DSC3: variants seen among roughly 807,000 people sequenced by gnomAD.
DSC3 encodes desmocollin 3, also known as desmocollin-3.
In DSC3, 97 loss-of-function variants were observed where a neutral mutation model predicts 89.5. The ratio of observed to expected loss-of-function variants is 1.08; its 90% CI spans 0.92 to 1.28. The LOEUF (loss-of-function observed/expected upper bound fraction) is 1.28. DSC3 is among the 50% of genes most tolerant of loss of function. The pLI, the probability that DSC3 is intolerant of heterozygous loss-of-function variation, is 0.00. For missense variants in DSC3, 1,199 were observed against 1,085.3 expected, an observed-to-expected ratio of 1.10 and a Z score of -1.47; for synonymous variants, 436 against 384.1, an observed-to-expected ratio of 1.14 and a Z score of -1.58.
chr18:30,995,719 C>T (rs1255096068), intron 15 of DSC3, among the ~76,000 whole-genome samples: 1 of 151,952 alleles, frequency 6.6e-6, no homozygotes, highest in Admixed American at 6.6e-5. Flanking sequence ...TGCGTATAAT[C>T]CCGGCACTTT....
rs1209794611 is a variant in DSC3 at position 31,008,133 on chromosome 18, CT to C, written c.1545del (p.Gly516ValfsTer13). The C allele has an allele frequency of 1.2e-6, 2 of 1,611,864 alleles. No homozygotes were observed. Among genetic ancestry groups the C allele is most frequent in the African/African-American group, 2.7e-5 (2 of 74,720 alleles). On this transcript the variant is annotated frameshift_variant, in exon 11 of 16. Transcript: ENST00000360428. LOFTEE classifies it high-confidence loss of function. ...GLRYKKLHDP[K>X]GWITIDEISG... ...GAAATTTCATCAATGGTGATCCAAC[CT>C]TTAGGATCATGCAATTTTTTGTACC...
intron 4 of DSC3, among the ~76,000 whole-genome samples, chr18:31,028,237 G>C (rs1036714534): frequency 6.6e-6 from 1 of 152,094 alleles, no homozygotes. Context: ...GATGGATGAG[G>C]AAGATCCAGC....
At chr18:31,021,682 A>G (rs371612540) in intron 7 of DSC3, among the ~76,000 whole-genome samples, 1 of 152,314 alleles carries the variant, frequency 6.6e-6, no homozygotes, top group East Asian at 1.9e-4. Context: ...ACAAAATAGA[A>G]CAATAAAAAC....
In DSC3 at chr18:31,022,500, T is replaced by C. The variant is rs747256861; in HGVS notation, c.778A>G (p.Thr260Ala). 1.2e-6 allele frequency: 2 copies of C among 1,613,992 alleles called. No homozygotes were observed. Among genetic ancestry groups the C allele is most frequent in the Non-Finnish European group, 1.7e-6 (2 of 1,179,922 alleles). ...FEVLESSRPG[T>A]TVGVVCATDR... Reference sequence around the variant, plus strand: ...GTGGCACAAACCACCCCCACTGTAGTACCTACACATTAAAAAATAAAACAG... The same window carrying C: ...GTGGCACAAACCACCCCCACTGTAGCACCTACACATTAAAAAATAAAACAG... Residue 260 changes from threonine (T) to alanine (A), a missense_variant and splice_region_variant, in exon 7 of 16, where the codon ACT becomes GCT. By Grantham distance (58) the Thr-to-Ala change is moderately conservative. Coordinates refer to ENST00000360428, the MANE Select transcript of DSC3 (RefSeq NM_001941.5).
At chr18:31,038,702 G>T (rs888887978) in intron 1 of DSC3, among the ~76,000 whole-genome samples, 1 of 151,898 alleles carries the variant, frequency 6.6e-6, no homozygotes, top group African/African-American at 2.4e-5. Flanking sequence ...AAATACCAAA[G>T]ATTACATATA....
chr18:31,020,100 C>T (rs1231904475), intron 7 of DSC3, among the ~76,000 whole-genome samples: 5 of 151,978 alleles, frequency 3.3e-5, no homozygotes, highest in Non-Finnish European at 5.9e-5. Flanking sequence ...ATCTTATGTG[C>T]CTGAAGGAAA....
At chr18:31,005,270 C>T (rs916272710) in intron 12 of DSC3, among the ~76,000 whole-genome samples, 1 of 152,178 alleles carries the variant, frequency 6.6e-6, no homozygotes, top group African/African-American at 2.4e-5. Flanking sequence ...TGAAATCTCT[C>T]CGCTCCCTCA....
chr18:31,002,906 C>T (rs1220630215), intron 13 of DSC3, among the ~76,000 whole-genome samples: 2 of 152,080 alleles, frequency 1.3e-5, no homozygotes, highest in Non-Finnish European at 2.9e-5. Flanking sequence ...ACTATCTAAT[C>T]CTTTACAGAA....
At position 31,008,369 on chromosome 18, in the gene DSC3, C is replaced by T. The variant is rs1984937632; in HGVS notation, c.1420G>A (p.Ala474Thr). Residue 474 changes from alanine (A) to threonine (T), a missense_variant, in exon 10 of 16, where the codon GCA becomes ACA. Transcript: ENST00000360428. ...TCTTTAATCCGCACATATTGGGCTGCAGGAGTGCATTCAGGCCCCTCATCC... is the reference window on the plus strand; with the variant it reads ...TCTTTAATCCGCACATATTGGGCTGTAGGAGTGCATTCAGGCCCCTCATCC... ...DLDEGPECTP[A>T]AQYVRIKENL... is the part of the protein sequence containing the mutation. 1.2e-6 allele frequency: 2 copies of T among 1,613,980 alleles called. No individual in the cohort carries two copies. The highest frequency in any genetic ancestry group is 2.7e-5 in the African/African-American group (2 of 74,890).
At chr18:31,016,046 C>A (rs1328475340) in intron 9 of DSC3, among the ~76,000 whole-genome samples, 1 of 152,132 alleles carries the variant, frequency 6.6e-6, no homozygotes, top group Non-Finnish European at 1.5e-5. Context: ...CCCACCAGCG[C>A]CATGATGGTT....
chr18:31,034,524 T>C (rs1229947910), intron 1 of DSC3, among the ~76,000 whole-genome samples: 1 of 152,176 alleles, frequency 6.6e-6, no homozygotes, highest in Admixed American at 6.5e-5. Flanking sequence ...AAGTCCACTC[T>C]TCCTAAAAGA....
At chr18:31,018,344 C>G (rs1985304875) in intron 8 of DSC3, 88 bp from the exon 9 acceptor site, 3 of 982,774 alleles carry the variant, frequency 3.1e-6, no homozygotes, top group Non-Finnish European at 1.5e-6. Flanking sequence ...AAATACTTAC[C>G]ATTATAATTT....
At chr18:31,004,984 T>C (rs923888949) in intron 12 of DSC3, among the ~76,000 whole-genome samples, 2 of 152,180 alleles carry the variant, frequency 1.3e-5, no homozygotes, top group African/African-American at 2.4e-5. Context: ...TTAATGACCA[T>C]ATTGTCAACT....
intron 9 of DSC3, among the ~76,000 whole-genome samples, chr18:31,011,521 G>A (rs1367855777): frequency 6.6e-6 from 1 of 152,172 alleles, no homozygotes; most frequent in Admixed American, 6.5e-5. Flanking sequence ...AAGAACCAGG[G>A]CATTGGAAGA....
intron 15 of DSC3, among the ~76,000 whole-genome samples, chr18:30,995,992 A>AG (rs1389203617): frequency 3.4e-5 from 4 of 117,626 alleles, no homozygotes; most frequent in African/African-American, 1.2e-4. Flanking sequence ...AAAAAAAAAA[A>AG]AAAAAAAGAA....
Position 30,990,153 on chromosome 18 carries a change from T to C in DSC3, c.*4022A>G, listed in dbSNP as rs1598590340. 6.6e-6 allele frequency: 1 copy of C among 152,182 alleles called. No homozygotes were observed. Among genetic ancestry groups the C allele is most frequent in the African/African-American group, 2.4e-5 (1 of 41,440 alleles). 9.4% of individuals were successfully genotyped at this position (152,182 alleles called of 1,614,324 possible). A position where few individuals can be genotyped will look rare whatever the true frequency, so the allele number is the denominator to read the frequency against. ...TATGTGCAGGCAGTGTTCTATGTAC[T>C]TTAGGTATAGTAACTCATTTAATCA... On this transcript the variant is annotated 3_prime_UTR_variant, in exon 16 of 16. Coordinates refer to ENST00000360428, the MANE Select transcript of DSC3 (RefSeq NM_001941.5).
rs1005928847 is a variant in DSC3, at chr18:31,042,532, C to T, written c.69+60G>A. On this transcript the variant is annotated intron_variant, in intron 1 of 15. Transcript: ENST00000360428. ...CCGCTTTGTCCCCAGCTCCGTGCAG[C>T]GTCCAGGGCGGATCCACCCCCGTCC... 2.7e-6 allele frequency: 4 copies of T among 1,485,648 alleles called. 1 individual carries two copies. The East Asian group carries it at 9.9e-5, about 37-fold the overall frequency. 92.0% of individuals were successfully genotyped at this position (1,485,648 alleles called of 1,614,324 possible).
At chr18:31,016,195 G>C (rs1283644767) in intron 9 of DSC3, among the ~76,000 whole-genome samples, 1 of 152,152 alleles carries the variant, frequency 6.6e-6, no homozygotes, top group African/African-American at 2.4e-5. Context: ...TTAAGGAGTA[G>C]TTATAAATAC....
At chr18:31,026,027 G>A (rs1217837203) in intron 4 of DSC3, 112 bp from the exon 5 acceptor site, 1 of 1,096,780 alleles carries the variant, frequency 9.1e-7, no homozygotes, top group Non-Finnish European at 1.3e-6. Flanking sequence ...CAAAAGAAAA[G>A]GTAGAAAAGA....
Sources: allele counts gnomAD v4.1 joint callset (sites outside exome capture counted in the v4.1 genomes callset), GRCh38; gene constraint gnomAD v4.1.1; transcripts MANE v1.5; gene names NCBI Gene and HGNC (gene_info 2026-07-23, HGNC 2026-07-21).